Variants in GREM2 observed in about 807,000 individuals in gnomAD.
GREM2 encodes gremlin-2.
GREM2 carries 11 observed loss-of-function variants against 14.2 expected under a neutral mutation model. The ratio of observed to expected loss-of-function variants is 0.78; its 90% CI spans 0.49 to 1.28. The LOEUF is 1.28. Ranked by LOEUF, GREM2 falls within the 50% of genes most tolerant of loss-of-function variation. The pLI is 0.00. For missense variants in GREM2, 210 were observed against 218.5 expected (o/e 0.96, Z 0.24); for synonymous variants, 98 against 97.6 (o/e 1.00, Z -0.02).
chr1:240,533,668 A>G (rs918366166), intron 1 of GREM2, among the ~76,000 whole-genome samples: 21 of 152,156 alleles, frequency 1.4e-4, no homozygotes, highest in African/African-American at 5.1e-4. Context: ...AGAATCAACA[A>G]TTGGGATAGA....
chr1:240,495,146 G>A (rs1258921957), intron 1 of GREM2, among the ~76,000 whole-genome samples: 1 of 152,176 alleles, frequency 6.6e-6, no homozygotes, highest in Admixed American at 6.5e-5. Context: ...TGTATTTTTA[G>A]TAGTAGCCCC....
intron 1 of GREM2, among the ~76,000 whole-genome samples, chr1:240,595,925 T>G (rs1404714600): frequency 6.6e-6 from 1 of 152,182 alleles, no homozygotes; most frequent in South Asian, 2.1e-4. Flanking sequence ...GACTTGATGA[T>G]CTGGTTTCTG....
intron 1 of GREM2, among the ~76,000 whole-genome samples, chr1:240,597,527 G>C (rs148913529): frequency 6.6e-6 from 1 of 152,200 alleles, no homozygotes; most frequent in East Asian, 1.9e-4. Flanking sequence ...CCTTGCTCCC[G>C]CCTCATTTTA....
chr1:240,561,580 C>G (rs1184052315), intron 1 of GREM2, among the ~76,000 whole-genome samples: 1 of 151,682 alleles, frequency 6.6e-6, no homozygotes, highest in Non-Finnish European at 1.5e-5. Flanking sequence ...TTAAATATTC[C>G]CAGAATCAAT....
At chr1:240,521,520 G>A (rs1397482531) in intron 1 of GREM2, among the ~76,000 whole-genome samples, 1 of 151,900 alleles carries the variant, frequency 6.6e-6, no homozygotes, top group Non-Finnish European at 1.5e-5. Context: ...ACAGTGAGCC[G>A]AGATGGCACC....
At chr1:240,533,082 G>A (rs1319376593) in intron 1 of GREM2, among the ~76,000 whole-genome samples, 1 of 152,240 alleles carries the variant, frequency 6.6e-6, no homozygotes, top group Non-Finnish European at 1.5e-5. Flanking sequence ...TTTTGTAGAG[G>A]AGTTGGACAG....
At chr1:240,557,845 A>G (rs974289184) in intron 1 of GREM2, among the ~76,000 whole-genome samples, 1 of 152,154 alleles carries the variant, frequency 6.6e-6, no homozygotes, top group Non-Finnish European at 1.5e-5. Context: ...GATGAAAATA[A>G]GAGAACAGCT....
At chr1:240,517,969 C>G (rs1205282025) in intron 1 of GREM2, among the ~76,000 whole-genome samples, 1 of 152,124 alleles carries the variant, frequency 6.6e-6, no homozygotes, top group Non-Finnish European at 1.5e-5. Flanking sequence ...GCTAGGAACA[C>G]ACATAATGCC....
intron 1 of GREM2, among the ~76,000 whole-genome samples, chr1:240,524,875 G>A (rs1035499036): frequency 3.9e-5 from 6 of 152,162 alleles, no homozygotes; most frequent in Admixed American, 2.0e-4. Context: ...TGATAATGAT[G>A]TTGAAGCAAT....
At position 240,492,871 on chromosome 1, in the gene GREM2, G is replaced by A. The variant is rs892981298; in HGVS notation, c.*98C>T. 2.5e-6 allele frequency: 3 copies of A among 1,183,576 alleles called. No homozygotes were observed. The highest frequency in any genetic ancestry group is 3.2e-5 in the African/African-American group (2 of 62,048). 73.3% of individuals were successfully genotyped at this position (1,183,576 alleles called of 1,614,324 possible). ...GCTTGCTGCTGAGGGGGAACACCAG[G>A]CAGCGTGACAGTGGGCTCGGAGGGC... On this transcript the variant is annotated 3_prime_UTR_variant, in exon 2 of 2. Coordinates refer to ENST00000318160, the MANE Select transcript of GREM2 (RefSeq NM_022469.4).
At chr1:240,581,004 C>G (rs918014920) in intron 1 of GREM2, among the ~76,000 whole-genome samples, 8 of 152,166 alleles carry the variant, frequency 5.3e-5, no homozygotes. Context: ...AATCCCAGCA[C>G]TTTGGGAGGC....
intron 1 of GREM2, chr1:240,588,657 C>T (rs1424838822): frequency 6.6e-6 from 1 of 152,128 alleles, no homozygotes; most frequent in Non-Finnish European, 1.5e-5. Flanking sequence ...GAACCGGAAC[C>T]TATGTTTGTT....
chr1:240,517,541 C>T (rs1226469742), intron 1 of GREM2, among the ~76,000 whole-genome samples: 1 of 152,168 alleles, frequency 6.6e-6, no homozygotes. Flanking sequence ...CTATGATAAA[C>T]CATAGTATGT....
chr1:240,519,342 GTTT>G (rs201469455), intron 1 of GREM2, among the ~76,000 whole-genome samples: 1 of 145,826 alleles, frequency 6.9e-6, no homozygotes. Context: ...AACTTCTCTA[GTTT>G]TTTTTTTTTC....
At chr1:240,528,926 G>C (rs1678287360) in intron 1 of GREM2, among the ~76,000 whole-genome samples, 1 of 152,138 alleles carries the variant, frequency 6.6e-6, no homozygotes, top group African/African-American at 2.4e-5. Flanking sequence ...CCGAGAAAGG[G>C]CTCTCAGGGC....
intron 1 of GREM2, among the ~76,000 whole-genome samples, chr1:240,519,325 T>C (rs1454326860): frequency 1.3e-5 from 2 of 151,710 alleles, no homozygotes; most frequent in African/African-American, 4.8e-5. Context: ...TATCACAACT[T>C]TCTCCTAACT....
chr1:240,570,252 A>C (rs890741188), intron 1 of GREM2, among the ~76,000 whole-genome samples: 4 of 152,250 alleles, frequency 2.6e-5, no homozygotes, highest in African/African-American at 9.6e-5. Context: ...TCACGAGATC[A>C]AGAGACCAAG....
At position 240,520,870 on chromosome 1, in the gene GREM2, T is replaced by A. The variant is rs1280244224; in HGVS notation, c.-1-27394A>T. Among the ~76,000 whole-genome samples, 6 of 151,490 alleles carry A rather than the reference T, an allele frequency of 4.0e-5. No individual in the cohort carries two copies. In the South Asian group the frequency reaches 1.3e-3, roughly 32 times the overall value. ...GAATTAATGTTTTTACATATGTTTA[T>A]CTTTTTAAGGTTTTTTTGGTATGAT... On this transcript the variant is annotated intron_variant, in intron 1 of 1. Coordinates refer to ENST00000318160, the MANE Select transcript of GREM2 (RefSeq NM_022469.4).
intron 1 of GREM2, among the ~76,000 whole-genome samples, chr1:240,522,138 A>AAAAAAAAAC (rs1558148106): frequency 6.6e-6 from 1 of 150,758 alleles, no homozygotes. Flanking sequence ...AAAAAAAACA[A>AAAAAAAAAC]AAACAAACAA....
Sources: gnomAD v4.1 joint callset for allele counts (sites outside exome capture counted in the v4.1 genomes callset) on GRCh38, gnomAD v4.1.1 for gene constraint, MANE v1.5 for transcripts, NCBI Gene and HGNC (gene_info 2026-07-23, HGNC 2026-07-21) for gene names.